The following LIN28B variants were observed in gnomAD, a reference collection of about 807,000 sequenced individuals.
LIN28B encodes the protein lin-28 RNA binding posttranscriptional regulator B.
Under a neutral mutation model 21.9 loss-of-function variants are expected in LIN28B, and 5 were observed. The observed-to-expected ratio is 0.23, with a 90% CI of 0.12 to 0.48. LIN28B has a LOEUF of 0.48. Ranked by LOEUF, LIN28B falls within the 20% of genes least tolerant of loss-of-function variation. LIN28B has a pLI of 0.98. For missense variants in LIN28B, 245 were observed against 310.5 expected (o/e 0.79, Z 1.58); for synonymous variants, 109 against 111.3 (o/e 0.98, Z 0.13).
At chr6:104,965,763 T>C (rs111582546) in intron 2 of LIN28B, among the ~76,000 whole-genome samples, 49 of 152,366 alleles carry the variant, frequency 3.2e-4, no homozygotes, top group African/African-American at 1.1e-3. Flanking sequence ...TTGGTTTTAA[T>C]AATTGTTGTA....
intron 2 of LIN28B, among the ~76,000 whole-genome samples, chr6:104,969,513 TA>T (rs1352815634): frequency 1.3e-5 from 2 of 152,214 alleles, no homozygotes; most frequent in Non-Finnish European, 2.9e-5. Context: ...GCCTGCAGTA[TA>T]AAAATGGGCA....
At chr6:104,941,777 C>A (rs1478868452) in intron 2 of LIN28B, among the ~76,000 whole-genome samples, 1 of 152,202 alleles carries the variant, frequency 6.6e-6, no homozygotes, top group Admixed American at 6.5e-5. Flanking sequence ...GGAAATGATA[C>A]GTTTGCAGGA....
chr6:104,971,537 A>G (rs1038156417), intron 2 of LIN28B, among the ~76,000 whole-genome samples: 4 of 152,150 alleles, frequency 2.6e-5, no homozygotes, highest in African/African-American at 4.8e-5. Flanking sequence ...TTACCTTTAA[A>G]AGTTAAATAC....
chr6:104,969,235 AG>A (rs751433560), intron 2 of LIN28B, among the ~76,000 whole-genome samples: 13 of 152,150 alleles, frequency 8.5e-5, no homozygotes, highest in Non-Finnish European at 1.6e-4. Flanking sequence ...ACTCAGTCTA[AG>A]GACACTTGGA....
At chr6:104,963,029 T>C (rs1769781361) in intron 2 of LIN28B, among the ~76,000 whole-genome samples, 1 of 152,138 alleles carries the variant, frequency 6.6e-6, no homozygotes, top group Non-Finnish European at 1.5e-5. Context: ...AATCATAACA[T>C]CACATTTAAA....
At chr6:105,000,984 T>C (rs185758494) in intron 2 of LIN28B, among the ~76,000 whole-genome samples, 1 of 151,850 alleles carries the variant, frequency 6.6e-6, no homozygotes, top group East Asian at 1.9e-4. Flanking sequence ...TGTGAAAACA[T>C]ATATATATTG....
intron 3 of LIN28B, among the ~76,000 whole-genome samples, chr6:105,060,028 C>T (rs539836922): frequency 1.3e-4 from 20 of 151,912 alleles, no homozygotes; most frequent in Non-Finnish European, 2.6e-4. Flanking sequence ...CTCAGCCTCC[C>T]GAGTAGCTGA....
chr6:104,955,752 ACTG>A (rs1778278410), upstream of LIN28B, among the ~76,000 whole-genome samples: 1 of 140,348 alleles, frequency 7.1e-6, no homozygotes. Flanking sequence ...TTCTTGGTAA[ACTG>A]CTTGTTTAAG....
chr6:105,064,261 C>T (rs1422175196), intron 3 of LIN28B, among the ~76,000 whole-genome samples: 2 of 152,112 alleles, frequency 1.3e-5, no homozygotes, highest in East Asian at 3.8e-4. Context: ...AATGTTGTAA[C>T]TTGTTCAAAG....
chr6:105,031,052 C>A (rs2057391), intron 3 of LIN28B, among the ~76,000 whole-genome samples: 40,059 of 151,892 alleles, frequency 0.26, 6,264 homozygotes, highest in African/African-American at 0.45. Flanking sequence ...CCCACCTTAC[C>A]TATTTAAAGT....
intron 2 of LIN28B, among the ~76,000 whole-genome samples, chr6:105,017,565 A>G (rs1419623075): frequency 6.6e-6 from 1 of 152,186 alleles, no homozygotes; most frequent in African/African-American, 2.4e-5. Context: ...TTTACAGACA[A>G]GGAAACTGGG....
intron 2 of LIN28B, among the ~76,000 whole-genome samples, chr6:104,995,965 TTATATATA>T (rs201567101): frequency 2.0e-5 from 3 of 148,372 alleles, no homozygotes; most frequent in Admixed American, 6.7e-5. Context: ...ATTATATACT[TTATATATA>T]TATATATAAA....
intron 2 of LIN28B, among the ~76,000 whole-genome samples, chr6:104,960,468 T>G (rs1769711294): frequency 6.6e-6 from 1 of 152,148 alleles, no homozygotes; most frequent in African/African-American, 2.4e-5. Flanking sequence ...GTTTTATGTC[T>G]ATGTACTATT....
At chr6:104,961,874 GT>G (rs1268160893) in intron 2 of LIN28B, among the ~76,000 whole-genome samples, 1 of 152,104 alleles carries the variant, frequency 6.6e-6, no homozygotes, top group Non-Finnish European at 1.5e-5. Context: ...AATGTTAAAA[GT>G]TTTTAATAAG....
intron 2 of LIN28B, among the ~76,000 whole-genome samples, chr6:105,025,771 CATAG>C (rs1445384269): frequency 2.6e-5 from 4 of 151,608 alleles, no homozygotes; most frequent in African/African-American, 9.7e-5. Context: ...TAAAATTTTA[CATAG>C]ATAGCATTAT....
At chr6:105,054,818 G>A (rs1771989503) in intron 3 of LIN28B, among the ~76,000 whole-genome samples, 1 of 150,712 alleles carries the variant, frequency 6.6e-6, no homozygotes, top group African/African-American at 2.4e-5. Context: ...GTTTCCATGT[G>A]GTTACATTTT....
At chr6:105,041,823 CTTCT>C (rs569768551) in intron 3 of LIN28B, among the ~76,000 whole-genome samples, 147 of 152,074 alleles carry the variant, frequency 9.7e-4, no homozygotes, top group Admixed American at 3.3e-3. Flanking sequence ...TGTTTTTTTT[CTTCT>C]TTCTTCCAAC....
At chr6:104,957,948 C>A in intron 1 of LIN28B, 151 bp from the exon 2 acceptor site, 1 of 462,302 alleles carries the variant, frequency 2.2e-6, no homozygotes, top group Non-Finnish European at 3.8e-6. Flanking sequence ...TAAGTATTTT[C>A]TGTGGAGAAA....
intron 3 of LIN28B, among the ~76,000 whole-genome samples, chr6:105,063,855 T>TTG (rs397730979): frequency 2.0e-5 from 3 of 150,296 alleles, no homozygotes; most frequent in African/African-American, 7.3e-5. Context: ...TTTTTTTTTT[T>TTG]CAGAATTCTA....
Sources: allele counts gnomAD v4.1 joint callset (sites outside exome capture counted in the v4.1 genomes callset), GRCh38; gene constraint gnomAD v4.1.1; transcripts MANE v1.5; gene names NCBI Gene and HGNC (gene_info 2026-07-23, HGNC 2026-07-21).